Variants in GJD3 observed in about 807,000 individuals in gnomAD.
The protein encoded by GJD3 is gap junction delta-3 protein.
For synonymous variants in GJD3, 217 were observed against 226.7 expected (o/e 0.96, Z 0.38); for missense variants, 421 against 448.5 (o/e 0.94, Z 0.55).
rs1482927167 is a variant in GJD3, at chr17:40,363,787, A to T, written c.29T>A (p.Leu10Gln). 3 of 1,607,592 alleles carry T rather than the reference A, an allele frequency of 1.9e-6. No individual in the cohort carries two copies. Among genetic ancestry groups the T allele is most frequent in the Non-Finnish European group, 2.5e-6 (3 of 1,177,652 alleles). The change falls in exon 1 of 1, where the codon CTG becomes CAG. Residue 10 changes from leucine to glutamine, a missense_variant. Coordinates refer to ENST00000578689, the MANE Select transcript of GJD3 (RefSeq NM_152219.4). The surrounding 1 kb of genome is among the most constrained non-coding windows in gnomAD (Gnocchi z 5.5). MGEWAFLGS[L>Q]LDAVQLQSPL... ...CGACTGCAGCTGCACGGCGTCCAGC[A>T]GCGAGCCCAGGAACGCCCACTCCCC... is the stretch of plus-strand genomic sequence containing the variant.
rs573306496 is a variant in GJD3, at chr17:40,360,905, T to C, written c.*2026A>G. 1 of 430,198 alleles carries C rather than the reference T, an allele frequency of 2.3e-6. No homozygotes were observed. The highest frequency in any genetic ancestry group is 2.0e-5 in the African/African-American group (1 of 49,552). The allele number at this position is 430,198 out of a possible 1,614,324, so 26.6% of individuals were successfully genotyped here. A position where few individuals can be genotyped will look rare whatever the true frequency, so the allele number is the denominator to read the frequency against. On this transcript the variant is annotated 3_prime_UTR_variant, in exon 1 of 1. Coordinates refer to ENST00000578689, the MANE Select transcript of GJD3 (RefSeq NM_152219.4). ...GAGATGGTGCCCACCATAGCATGGA[T>C]AGTGTTCGGGCATGGCAGTGGTGTA...
rs1343614082 is a variant in GJD3 at position 40,360,889 on chromosome 17, C to T, written c.*2042G>A. The T allele has an allele frequency of 7.3e-6, 3 of 409,086 alleles. No individual in the cohort carries two copies. The highest frequency in any genetic ancestry group is 1.5e-5 in the Non-Finnish European group (3 of 204,366). The allele number at this position is 409,086 out of a possible 1,614,324, so 25.3% of individuals were successfully genotyped here. A position where few individuals can be genotyped will look rare whatever the true frequency, so the allele number is the denominator to read the frequency against. On this transcript the variant is annotated 3_prime_UTR_variant, in exon 1 of 1. Transcript: ENST00000578689. ...CAGAACTGTCATCAGAGAGATGGTG[C>T]CCACCATAGCATGGATAGTGTTCGG... is the stretch of plus-strand genomic sequence containing the variant.
Position 40,360,686 on chromosome 17 carries a change from T to C in GJD3, c.*2245A>G, listed in dbSNP as rs1231315255. 3 of 169,346 alleles carry C rather than the reference T, an allele frequency of 1.8e-5. No homozygotes were observed. The highest frequency in any genetic ancestry group is 7.2e-5 in the African/African-American group (3 of 41,530). 10.5% of individuals were successfully genotyped at this position (169,346 alleles called of 1,614,324 possible). On this transcript the variant is annotated 3_prime_UTR_variant, in exon 1 of 1. Transcript: ENST00000578689. ...TTTCCTTTTACTTTTTTAATGTGGCTAATGAAAAACTTGAAACTACATACA... is the reference window on the plus strand; with the variant it reads ...TTTCCTTTTACTTTTTTAATGTGGCCAATGAAAAACTTGAAACTACATACA...
chr17:40,363,149 G>T lies in GJD3; in HGVS notation c.667C>A (p.Arg223Ser), dbSNP rs902056526. The change falls in exon 1 of 1, where the codon CGT becomes AGT. Residue 223 changes from arginine to serine, a missense_variant. Arg to Ser is a moderately radical substitution (Grantham distance 110). Coordinates refer to ENST00000578689, the MANE Select transcript of GJD3 (RefSeq NM_152219.4). The surrounding 1 kb of genome is among the most constrained non-coding windows in gnomAD (Gnocchi z 5.5). Reference protein sequence around the residue: ...LWKGRPRAGERDNRCNRAHEE... With the variant: ...LWKGRPRAGESDNRCNRAHEE... ...TGTGCACGGTTGCAGCGGTTGTCAC[G>T]CTCCCCGGCGCGCGGGCGGCCCTTC... is the stretch of plus-strand genomic sequence containing the variant. 16 of 1,410,958 alleles carry T rather than the reference G, an allele frequency of 1.1e-5. No individual in the cohort carries two copies. The African/African-American group carries it at 2.1e-4, about 18-fold the overall frequency. The allele number at this position is 1,410,958 out of a possible 1,614,324, so 87.4% of individuals were successfully genotyped here. A position where few individuals can be genotyped will look rare whatever the true frequency, so the allele number is the denominator to read the frequency against.
In GJD3 at chr17:40,362,166, GCACA is replaced by G. The variant is rs1002571863; in HGVS notation, c.*761_*764del. Among the ~76,000 whole-genome samples, 2 of 152,158 alleles carry G rather than the reference GCACA, an allele frequency of 1.3e-5. No individual in the cohort carries two copies. Among genetic ancestry groups the G allele is most frequent in the Non-Finnish European group, 2.9e-5 (2 of 68,002 alleles). On this transcript the variant is annotated 3_prime_UTR_variant, in exon 1 of 1. Transcript: ENST00000578689. ...TATCAGAGATCACACACACACGCGT[GCACA>G]CACAGAGGTCACGCCGGATGTACAC...
Position 40,361,146 on chromosome 17 carries a change from G to T in GJD3, c.*1785C>A, listed in dbSNP as rs1195718331. ...CCAAGTGACAACAATAGGTGGGTGG[G>T]CATTAGCTAGGGGAGGAGAAGGCTG... On this transcript the variant is annotated 3_prime_UTR_variant, in exon 1 of 1. Coordinates refer to ENST00000578689, the MANE Select transcript of GJD3 (RefSeq NM_152219.4). 2.5e-6 allele frequency: 1 copy of T among 404,246 alleles called. No homozygotes were observed. The highest frequency in any genetic ancestry group is 2.1e-5 in the African/African-American group (1 of 48,074). 25.0% of individuals were successfully genotyped at this position (404,246 alleles called of 1,614,324 possible). A position where few individuals can be genotyped will look rare whatever the true frequency, so the allele number is the denominator to read the frequency against.
rs1204205080 is a variant in GJD3, at chr17:40,362,071, G to A, written c.*860C>T. Among the ~76,000 whole-genome samples the A allele has an allele frequency of 1.3e-5, 2 of 152,158 alleles. No individual in the cohort carries two copies. The highest frequency in any genetic ancestry group is 2.9e-5 in the Non-Finnish European group (2 of 68,000). On this transcript the variant is annotated 3_prime_UTR_variant, in exon 1 of 1. Coordinates refer to ENST00000578689, the MANE Select transcript of GJD3 (RefSeq NM_152219.4). ...CTGTGATGCCCTGGCAGGTGGGCTGGGTTAGGGTGGTAGGGAGGGAGCCAT... is the reference window on the plus strand; with the variant it reads ...CTGTGATGCCCTGGCAGGTGGGCTGAGTTAGGGTGGTAGGGAGGGAGCCAT...
Position 40,363,574 on chromosome 17 carries a change from T to C in GJD3, c.242A>G (p.His81Arg), listed in dbSNP as rs747555215. 2.5e-6 allele frequency: 4 copies of C among 1,594,940 alleles called. No individual in the cohort carries two copies. ...PVSHYRFWLF[H>R]ILLLSAPPVL... ...CGGGGGCGCCGAGAGCAGCAGGATG[T>C]GGAAGAGCCAGAAGCGGTAGTGGGA... The change falls in exon 1 of 1, where the codon CAC becomes CGC. Residue 81 changes from histidine (H) to arginine (R), a missense_variant. Physicochemically the swap from His to Arg is conservative, Grantham distance 29. Coordinates refer to ENST00000578689, the MANE Select transcript of GJD3 (RefSeq NM_152219.4). This position sits in a 1 kb window ranked among gnomAD's most constrained non-coding sequence, Gnocchi z 5.5.
rs1198215984 is a variant in GJD3, at chr17:40,363,049, C to T, written c.767G>A (p.Gly256Asp). Residue 256 changes from glycine (G) to aspartate (D), a missense_variant, in exon 1 of 1, where the codon GGC becomes GAC. Coordinates refer to ENST00000578689, the MANE Select transcript of GJD3 (RefSeq NM_152219.4). The surrounding 1 kb of genome is among the most constrained non-coding windows in gnomAD (Gnocchi z 5.5). ...PPPALPSRRPGPEPCAPPAYA... is the reference protein window; with the variant it reads ...PPPALPSRRPDPEPCAPPAYA... ...GGCCGGCGGGGCGCACGGCTCGGGG[C>T]CGGGGCGCCGGGAGGGCAGGGCCGG... is the stretch of plus-strand genomic sequence containing the variant. The T allele has an allele frequency of 2.4e-6, 3 of 1,225,642 alleles. No individual in the cohort carries two copies. The highest frequency in any genetic ancestry group is 3.3e-5 in the East Asian group (1 of 30,500). 75.9% of individuals were successfully genotyped at this position (1,225,642 alleles called of 1,614,324 possible).
chr17:40,363,871 C>T lies in GJD3; in HGVS notation c.-56G>A. On this transcript the variant is annotated 5_prime_UTR_variant, in exon 1 of 1. Coordinates refer to ENST00000578689, the MANE Select transcript of GJD3 (RefSeq NM_152219.4). The surrounding 1 kb of genome is among the most constrained non-coding windows in gnomAD (Gnocchi z 5.5). ...GGATGGGGCAAGTCAGGGACCCCTGCCCCTTCCAAGCCTATCGGGGTGGGG... is the reference window on the plus strand; with the variant it reads ...GGATGGGGCAAGTCAGGGACCCCTGTCCCTTCCAAGCCTATCGGGGTGGGG... 2 of 1,512,066 alleles carry T rather than the reference C, an allele frequency of 1.3e-6. No homozygotes were observed. The highest frequency in any genetic ancestry group is 1.4e-5 in the African/African-American group (1 of 72,814). 93.7% of individuals were successfully genotyped at this position (1,512,066 alleles called of 1,614,324 possible). A position where few individuals can be genotyped will look rare whatever the true frequency, so the allele number is the denominator to read the frequency against.
rs2034760032 is a variant in GJD3 at position 40,362,385 on chromosome 17, G to C, written c.*546C>G. On this transcript the variant is annotated 3_prime_UTR_variant, in exon 1 of 1. Transcript: ENST00000578689. ...TCACCCGGGAGGGTTACGTGTGTCTGTGTGCACAAGTGGGCCTCACGCAGG... is the reference window on the plus strand; with the variant it reads ...TCACCCGGGAGGGTTACGTGTGTCTCTGTGCACAAGTGGGCCTCACGCAGG... Among the ~76,000 whole-genome samples the C allele has an allele frequency of 6.6e-6, 1 of 152,152 alleles. No individual in the cohort carries two copies. The highest frequency in any genetic ancestry group is 1.5e-5 in the Non-Finnish European group (1 of 68,006).
At position 40,363,391 on chromosome 17, in the gene GJD3, A is replaced by AGC; in HGVS notation, c.423_424dup (p.Leu142ArgfsTer8). The AGC allele has an allele frequency of 7.2e-7, 1 of 1,386,278 alleles. No homozygotes were observed. Among genetic ancestry groups the AGC allele is most frequent in the Non-Finnish European group, 9.3e-7 (1 of 1,069,664 alleles). 85.9% of individuals were successfully genotyped at this position (1,386,278 alleles called of 1,614,324 possible). On this transcript the variant is annotated frameshift_variant, in exon 1 of 1. Coordinates refer to ENST00000578689, the MANE Select transcript of GJD3 (RefSeq NM_152219.4). LOFTEE classifies it low-confidence loss of function (END_TRUNC). This position sits in a 1 kb window ranked among gnomAD's most constrained non-coding sequence, Gnocchi z 5.5. ...GAAGGTCAGCTCGGCCAGCAGGCGC[A>AGC]GCGCCACGCTCAGCAGGTAGCAGCG...
Position 40,362,574 on chromosome 17 carries a change from AGTT to A in GJD3, c.*354_*356del, listed in dbSNP as rs1329803258. Reference sequence around the variant, plus strand: ...GAGTGCCTGAGAATGCTGGCATCACAGTTGTTTTTGTCCCCAGTAAAACAACCA... The same window carrying A: ...GAGTGCCTGAGAATGCTGGCATCACAGTTTTTGTCCCCAGTAAAACAACCA... On this transcript the variant is annotated 3_prime_UTR_variant, in exon 1 of 1. Coordinates refer to ENST00000578689, the MANE Select transcript of GJD3 (RefSeq NM_152219.4). 6.6e-6 allele frequency among the ~76,000 whole-genome samples: 1 copy of A among 152,176 alleles called. No individual in the cohort carries two copies. The highest frequency in any genetic ancestry group is 6.5e-5 in the Admixed American group (1 of 15,286).
At position 40,361,591 on chromosome 17, in the gene GJD3, CTTA is replaced by C. The variant is rs1282265003; in HGVS notation, c.*1337_*1339del. On this transcript the variant is annotated 3_prime_UTR_variant, in exon 1 of 1. Transcript: ENST00000578689. ...ATTTCTCGCTTAGGTCCTGGGTGAT[CTTA>C]TGGAGAGCAGCCCACTGGCTGGTGA... 6.6e-6 allele frequency among the ~76,000 whole-genome samples: 1 copy of C among 152,098 alleles called. No individual in the cohort carries two copies. The highest frequency in any genetic ancestry group is 1.5e-5 in the Non-Finnish European group (1 of 68,014).
Position 40,361,182 on chromosome 17 carries a change from C to T in GJD3, c.*1749G>A, listed in dbSNP as rs1392914219. On this transcript the variant is annotated 3_prime_UTR_variant, in exon 1 of 1. Coordinates refer to ENST00000578689, the MANE Select transcript of GJD3 (RefSeq NM_152219.4). ...GGGAGGAGAAGGCTGCAGGAAGCAG[C>T]GGCTACTCTGGGCAAAGGAACAGCA... is the stretch of plus-strand genomic sequence containing the variant. 1.1e-5 allele frequency: 4 copies of T among 371,244 alleles called. No homozygotes were observed. Among genetic ancestry groups the T allele is most frequent in the Admixed American group, 3.5e-5 (1 of 28,702 alleles). 23.0% of individuals were successfully genotyped at this position (371,244 alleles called of 1,614,324 possible).
rs1232203412 is a variant in GJD3 at position 40,362,615 on chromosome 17, C to T, written c.*316G>A. Among the ~76,000 whole-genome samples, 3 of 152,254 alleles carry T rather than the reference C, an allele frequency of 2.0e-5. No individual in the cohort carries two copies. The highest frequency in any genetic ancestry group is 2.9e-5 in the Non-Finnish European group (2 of 68,042). ...AGTAAAACAACCACTCTCCACCTTC[C>T]GCTCTGTTCTCCCCCTCGGGTCCAC... On this transcript the variant is annotated 3_prime_UTR_variant, in exon 1 of 1. Transcript: ENST00000578689.
rs1352055116 is a variant in GJD3, at chr17:40,363,140, G to T, written c.676C>A (p.Arg226Ser). ...GRPRAGERDN[R>S]CNRAHEEAQK... ...GCCTCTTCGTGTGCACGGTTGCAGCGGTTGTCACGCTCCCCGGCGCGCGGG... is the reference window on the plus strand; with the variant it reads ...GCCTCTTCGTGTGCACGGTTGCAGCTGTTGTCACGCTCCCCGGCGCGCGGG... Residue 226 changes from arginine (R) to serine (S), a missense_variant, in exon 1 of 1, where the codon CGC becomes AGC. Physicochemically the swap from Arg to Ser is moderately radical, Grantham distance 110. Coordinates refer to ENST00000578689, the MANE Select transcript of GJD3 (RefSeq NM_152219.4). This position sits in a 1 kb window ranked among gnomAD's most constrained non-coding sequence, Gnocchi z 5.5. The T allele has an allele frequency of 7.1e-7, 1 of 1,405,768 alleles. No homozygotes were observed. 87.1% of individuals were successfully genotyped at this position (1,405,768 alleles called of 1,614,324 possible).
chr17:40,364,013 C>G lies in GJD3; in HGVS notation c.-198G>C. The G allele has an allele frequency of 1.5e-6, 1 of 673,656 alleles. No individual in the cohort carries two copies. Among genetic ancestry groups the G allele is most frequent in the East Asian group, 2.8e-5 (1 of 35,498 alleles). 41.7% of individuals were successfully genotyped at this position (673,656 alleles called of 1,614,324 possible). On this transcript the variant is annotated 5_prime_UTR_variant, in exon 1 of 1. Transcript: ENST00000578689. The stretch of plus-strand genomic sequence containing the variant: ...GAGGGCCCGAGGGGAGCAGGCGACG[C>G]TCAGCTATGGGTTACCTTCTCTTTG...
rs1041420685 is a variant in GJD3, at chr17:40,364,113, G to A, written c.-298C>T. 9.2e-6 allele frequency: 3 copies of A among 327,164 alleles called. No individual in the cohort carries two copies. The highest frequency in any genetic ancestry group is 9.4e-5 in the Admixed American group (2 of 21,206). The allele number at this position is 327,164 out of a possible 1,614,324, so 20.3% of individuals were successfully genotyped here. A position where few individuals can be genotyped will look rare whatever the true frequency, so the allele number is the denominator to read the frequency against. ...CCCTGAGCCGTCTCCGTTCGACCCT[G>A]GGATCCTCCAGATCCCAGATTCTTA... On this transcript the variant is annotated 5_prime_UTR_variant, in exon 1 of 1. Coordinates refer to ENST00000578689, the MANE Select transcript of GJD3 (RefSeq NM_152219.4).
Sources: allele counts gnomAD v4.1 joint callset (sites outside exome capture counted in the v4.1 genomes callset), GRCh38; gene constraint gnomAD v4.1.1; non-coding constraint Gnocchi (gnomAD v3.1); transcripts MANE v1.5; gene names NCBI Gene and HGNC (gene_info 2026-07-23, HGNC 2026-07-21).